The following NEBL variants were observed in gnomAD, a reference collection of about 807,000 sequenced individuals.
NEBL encodes the protein LIM and SH3 protein 2.
In NEBL, 122 loss-of-function variants were observed where a neutral mutation model predicts 140.2. That is an observed-to-expected ratio of 0.87 (90% CI 0.75 to 1.01). NEBL has a LOEUF of 1.01. Among genes scored for constraint, NEBL ranks in the 50% least tolerant of loss-of-function variants. The probability of loss-of-function intolerance (pLI) is 0.00; values close to 1 mark genes in which losing one functional copy is unlikely to be tolerated. For missense variants in NEBL, 1,365 were observed against 1,231.3 expected, an observed-to-expected ratio of 1.11 and a Z score of -1.62; for synonymous variants, 436 against 398.9, an observed-to-expected ratio of 1.09 and a Z score of -1.11.
chr10:21,037,363 C>G (rs1013122575), intron 2 of NEBL, among the ~76,000 whole-genome samples: 24 of 151,814 alleles, frequency 1.6e-4, no homozygotes, highest in South Asian at 4.2e-4. Context: ...GAAAACCATT[C>G]AAGAGGATAT....
chr10:20,819,952 G>A (rs185709380), intron 19 of NEBL, among the ~76,000 whole-genome samples: 82 of 152,086 alleles, frequency 5.4e-4, no homozygotes, highest in Middle Eastern at 3.4e-3. Context: ...ATTTATTGGT[G>A]GCCTCTCTGA....
At chr10:21,226,040 C>T (rs746568501) in intron 3 of NEBL, among the ~76,000 whole-genome samples, 20 of 152,040 alleles carry the variant, frequency 1.3e-4, no homozygotes, top group African/African-American at 4.8e-4. Flanking sequence ...AGGTCCACAA[C>T]AAGTATTGCA....
intron 1 of NEBL, among the ~76,000 whole-genome samples, chr10:21,286,502 T>C (rs1564556177): frequency 6.6e-6 from 1 of 152,214 alleles, no homozygotes; most frequent in Non-Finnish European, 1.5e-5. Flanking sequence ...TTGACATGCC[T>C]CTACCCCTGC....
At chr10:20,862,909 A>T (rs1325939510) in intron 7 of NEBL, among the ~76,000 whole-genome samples, 1 of 152,116 alleles carries the variant, frequency 6.6e-6, no homozygotes, top group Non-Finnish European at 1.5e-5. Context: ...GGTACACAGT[A>T]GGTGTATGTA....
chr10:20,895,394 G>A (rs1416482300), intron 2 of NEBL, among the ~76,000 whole-genome samples: 5 of 152,172 alleles, frequency 3.3e-5, no homozygotes, highest in Non-Finnish European at 5.9e-5. Context: ...GCAGTGTAAA[G>A]AGGGAGGCCT....
chr10:20,941,406 A>G (rs1834858031), intron 4 of NEBL, among the ~76,000 whole-genome samples: 1 of 152,224 alleles, frequency 6.6e-6, no homozygotes, highest in South Asian at 2.1e-4. Flanking sequence ...AAAACTCTCA[A>G]TCAATTAGGT....
intron 4 of NEBL, among the ~76,000 whole-genome samples, chr10:20,922,826 A>C (rs10828151): frequency 0.063 from 9,528 of 152,186 alleles, 467 homozygotes; most frequent in East Asian, 0.16. Flanking sequence ...AAACCAAGTC[A>C]ATTAAAGGGA....
Position 21,061,292 on chromosome 10 carries a change from CAT to C in NEBL, c.165-41093_165-41092del, listed in dbSNP as rs561812148. 3.3e-4 allele frequency among the ~76,000 whole-genome samples: 47 copies of C among 140,584 alleles called. 2 individuals are homozygous for C. The South Asian group carries it at 0.01, about 30-fold the overall frequency. 92.2% of individuals were successfully genotyped at this position (140,584 alleles called of 152,430 possible). The stretch of plus-strand genomic sequence containing the variant: ...ATATTACATATTATGTGATATGTAA[CAT>C]ATTACATATTATGTGATATGTAATA... On this transcript the variant is annotated intron_variant, in intron 2 of 6. Transcript: ENST00000417816.
intron 3 of NEBL, among the ~76,000 whole-genome samples, chr10:20,999,894 C>A (rs1319630361): frequency 1.3e-5 from 2 of 152,064 alleles, no homozygotes; most frequent in Non-Finnish European, 2.9e-5. Context: ...ATCGTTGGTT[C>A]CCCATGCTGA....
At chr10:21,089,305 C>A (rs11012518) in intron 2 of NEBL, among the ~76,000 whole-genome samples, 6,217 of 152,180 alleles carry the variant, frequency 0.041, 290 homozygotes, top group East Asian at 0.24. Flanking sequence ...GATCCCAGGC[C>A]TGAAGCTCAA....
chr10:21,013,007 C>T (rs1240174497), intron 3 of NEBL, among the ~76,000 whole-genome samples: 1 of 152,130 alleles, frequency 6.6e-6, no homozygotes, highest in Non-Finnish European at 1.5e-5. Context: ...AAAATCAAAA[C>T]ATCTTGGTTA....
intron 2 of NEBL, among the ~76,000 whole-genome samples, chr10:21,071,365 TAC>T (rs1226253908): frequency 6.6e-6 from 1 of 152,068 alleles, no homozygotes; most frequent in Admixed American, 6.6e-5. Context: ...AATTTTAATT[TAC>T]ACACACACTC....
chr10:21,064,504 C>A (rs1835444156), intron 2 of NEBL, among the ~76,000 whole-genome samples: 1 of 152,134 alleles, frequency 6.6e-6, no homozygotes, highest in African/African-American at 2.4e-5. Flanking sequence ...AAAAAATGAG[C>A]AATATATACA....
chr10:21,166,596 C>A (rs4291572), intron 2 of NEBL, among the ~76,000 whole-genome samples: 40,712 of 152,108 alleles, frequency 0.27, 7,085 homozygotes, highest in African/African-American at 0.49. Flanking sequence ...ATGTGCCAGA[C>A]ACCAGGCTAC....
intron 3 of NEBL, among the ~76,000 whole-genome samples, chr10:21,189,790 C>A (rs1449594749): frequency 2.0e-5 from 3 of 152,134 alleles, no homozygotes; most frequent in East Asian, 3.9e-4. Flanking sequence ...TTTTAAGCAA[C>A]CACATTTACG....
At chr10:20,851,908 T>C (rs1461112974) in intron 10 of NEBL, among the ~76,000 whole-genome samples, 1 of 152,192 alleles carries the variant, frequency 6.6e-6, no homozygotes, top group Admixed American at 6.5e-5. Context: ...AGTACGAAAT[T>C]ATTATGGACT....
intron 2 of NEBL, among the ~76,000 whole-genome samples, chr10:21,119,958 A>C (rs1313346436): frequency 6.6e-6 from 1 of 152,114 alleles, no homozygotes; most frequent in African/African-American, 2.4e-5. Flanking sequence ...GGATTTATCT[A>C]ATTGTTTCCT....
At chr10:20,908,470 G>T (rs951305480) in intron 4 of NEBL, among the ~76,000 whole-genome samples, 2 of 152,128 alleles carry the variant, frequency 1.3e-5, no homozygotes, top group Admixed American at 1.3e-4. Context: ...AGAAGCAACA[G>T]GAAAGGCAGG....
intron 3 of NEBL, among the ~76,000 whole-genome samples, chr10:21,210,966 T>G (rs1841906162): frequency 6.6e-6 from 1 of 152,216 alleles, no homozygotes. Context: ...ATGCATGCCC[T>G]CTAGGTTCTT....
Sources: gnomAD v4.1 joint callset for allele counts (sites outside exome capture counted in the v4.1 genomes callset) on GRCh38, gnomAD v4.1.1 for gene constraint, MANE v1.5 for transcripts, NCBI Gene and HGNC (gene_info 2026-07-23, HGNC 2026-07-21) for gene names.